Variants in PRKCA observed in about 807,000 individuals in gnomAD.
PRKCA encodes protein kinase C alpha, also known as protein kinase C alpha type.
PRKCA carries 27 observed loss-of-function variants against 87.0 expected under a neutral mutation model. The observed-to-expected ratio is 0.31, with a 90% CI of 0.23 to 0.43. The LOEUF is 0.43. Ranked by LOEUF, PRKCA falls within the 20% of genes least tolerant of loss-of-function variation. PRKCA has a pLI of 1.00. For synonymous variants in PRKCA, 329 were observed against 311.1 expected, an observed-to-expected ratio of 1.06 and a Z score of -0.61; for missense variants, 518 against 852.3, an observed-to-expected ratio of 0.61 and a Z score of 4.88.
At chr17:66,723,285 G>A (rs1181605263) in intron 8 of PRKCA, among the ~76,000 whole-genome samples, 2 of 152,182 alleles carry the variant, frequency 1.3e-5, no homozygotes, top group Non-Finnish European at 2.9e-5. Context: ...GAAGCTTGAA[G>A]GAAAGTGCAG....
In PRKCA at chr17:66,807,795, C is replaced by G. The variant is rs553404591; in HGVS notation, c.*3758C>G. 12 of 152,300 alleles carry G rather than the reference C, an allele frequency of 7.9e-5. No individual in the cohort carries two copies. The highest frequency in any genetic ancestry group is 1.2e-4 in the Non-Finnish European group (8 of 68,086). 9.4% of individuals were successfully genotyped at this position (152,300 alleles called of 1,614,324 possible). A position where few individuals can be genotyped will look rare whatever the true frequency, so the allele number is the denominator to read the frequency against. ...AGGAGGATGCAGACTTCCAGAGAGC[C>G]CCCCCAACGGACGTGCTGAGAAGGG... On this transcript the variant is annotated 3_prime_UTR_variant, in exon 17 of 17. Transcript: ENST00000413366. The surrounding 1 kb of genome is among the most constrained non-coding windows in gnomAD (Gnocchi z 4.3).
chr17:66,340,510 A>G (rs1417554854), intron 2 of PRKCA, among the ~76,000 whole-genome samples: 1 of 151,972 alleles, frequency 6.6e-6, no homozygotes, highest in Non-Finnish European at 1.5e-5. Flanking sequence ...TCTACTGTGC[A>G]AACAGTGATT....
At chr17:66,756,037 G>A (rs1445676698) in intron 13 of PRKCA, among the ~76,000 whole-genome samples, 2 of 152,208 alleles carry the variant, frequency 1.3e-5, no homozygotes, top group Admixed American at 1.3e-4. Context: ...AATTGCTGGA[G>A]GCTAAGTGTG....
At chr17:66,324,231 C>T (rs946041019) in intron 2 of PRKCA, among the ~76,000 whole-genome samples, 2 of 151,764 alleles carry the variant, frequency 1.3e-5, no homozygotes, top group Non-Finnish European at 2.9e-5. Flanking sequence ...AAATTAGCCT[C>T]TTTACTCTTA....
At chr17:66,408,542 T>C (rs370626625) in intron 2 of PRKCA, among the ~76,000 whole-genome samples, 2 of 152,362 alleles carry the variant, frequency 1.3e-5, no homozygotes, top group African/African-American at 4.8e-5. Flanking sequence ...CTTGTCTAAC[T>C]GGGACTGTCT....
At chr17:66,553,567 G>T (rs1009123461) in intron 3 of PRKCA, among the ~76,000 whole-genome samples, 3 of 152,204 alleles carry the variant, frequency 2.0e-5, no homozygotes, top group Non-Finnish European at 4.4e-5. Flanking sequence ...GTGACAGTGT[G>T]TGACTTCTGA....
intron 2 of PRKCA, among the ~76,000 whole-genome samples, chr17:66,404,742 C>CT (rs773919783): frequency 0.026 from 1,433 of 54,116 alleles, 308 homozygotes; most frequent in African/African-American, 0.085. Context: ...GATGGTAGGC[C>CT]TTTTTTTTTT....
At chr17:66,535,115 G>A (rs866853611) in intron 3 of PRKCA, among the ~76,000 whole-genome samples, 5 of 152,128 alleles carry the variant, frequency 3.3e-5, no homozygotes, top group Non-Finnish European at 7.3e-5. Flanking sequence ...ATTTTGCTTT[G>A]TAGCTAAAGA....
At chr17:66,679,635 C>T (rs537249331) in intron 5 of PRKCA, among the ~76,000 whole-genome samples, 36 of 152,352 alleles carry the variant, frequency 2.4e-4, no homozygotes, top group Non-Finnish European at 4.6e-4. Context: ...GATGTGTGTT[C>T]ACTTTTCCCT....
chr17:66,805,994 AC>A lies in PRKCA; in HGVS notation c.*1959del, dbSNP rs1304844910. On this transcript the variant is annotated 3_prime_UTR_variant, in exon 17 of 17. Coordinates refer to ENST00000413366, the MANE Select transcript of PRKCA (RefSeq NM_002737.3). ...ACCAACACAGCCGTGCCCTGCAGGC[AC>A]CAGCACGTGCTTTTCAGAGGCTGCG... 1 of 152,236 alleles carries A rather than the reference AC, an allele frequency of 6.6e-6. No homozygotes were observed. The highest frequency in any genetic ancestry group is 1.5e-5 in the Non-Finnish European group (1 of 68,070). The allele number at this position is 152,236 out of a possible 1,614,324, so 9.4% of individuals were successfully genotyped here.
chr17:66,773,965 T>A, intron 13 of PRKCA, 22 bp from the exon 14 acceptor site: 3 of 1,613,782 alleles, frequency 1.9e-6, no homozygotes, highest in Non-Finnish European at 2.5e-6. Flanking sequence ...CTAATGTAAT[T>A]GATGTGTTTG....
rs530808979 is a variant in PRKCA at position 66,807,566 on chromosome 17, G to A, written c.*3529G>A. 1.3e-5 allele frequency: 2 copies of A among 152,328 alleles called. No homozygotes were observed. Among genetic ancestry groups the A allele is most frequent in the Admixed American group, 1.3e-4 (2 of 15,298 alleles). 9.4% of individuals were successfully genotyped at this position (152,328 alleles called of 1,614,324 possible). On this transcript the variant is annotated 3_prime_UTR_variant, in exon 17 of 17. Coordinates refer to ENST00000413366, the MANE Select transcript of PRKCA (RefSeq NM_002737.3). The surrounding 1 kb of genome is among the most constrained non-coding windows in gnomAD (Gnocchi z 4.3). ...GTGCTTCCCTTCCTTTCATCCACTGGCCTCGTGTGGTCCATGCAGGGCCAC... is the reference window on the plus strand; with the variant it reads ...GTGCTTCCCTTCCTTTCATCCACTGACCTCGTGTGGTCCATGCAGGGCCAC...
At chr17:66,410,895 C>T (rs1435606545) in intron 2 of PRKCA, among the ~76,000 whole-genome samples, 1 of 151,878 alleles carries the variant, frequency 6.6e-6, no homozygotes, top group Non-Finnish European at 1.5e-5. Context: ...AACTTTTGAA[C>T]TTAACCAGTA....
chr17:66,681,434 G>C (rs1396470076), intron 5 of PRKCA, among the ~76,000 whole-genome samples: 1 of 152,150 alleles, frequency 6.6e-6, no homozygotes, highest in African/African-American at 2.4e-5. Flanking sequence ...GGGTCAGAGA[G>C]AACTGAATGA....
intron 2 of PRKCA, among the ~76,000 whole-genome samples, chr17:66,381,997 A>C (rs1004577833): frequency 5.9e-5 from 9 of 152,208 alleles, no homozygotes; most frequent in Non-Finnish European, 1.3e-4. Flanking sequence ...GCAAAATACT[A>C]AATGTTGTGA....
At chr17:66,650,862 A>AT (rs1186400615) in intron 5 of PRKCA, among the ~76,000 whole-genome samples, 2 of 151,892 alleles carry the variant, frequency 1.3e-5, no homozygotes, top group African/African-American at 4.8e-5. Context: ...ATAATCGTTC[A>AT]TTTTTTTTGC....
intron 3 of PRKCA, chr17:66,639,204 G>A (rs909357544): frequency 6.6e-6 from 1 of 152,230 alleles, no homozygotes; most frequent in African/African-American, 2.4e-5. Context: ...GAACTTAATA[G>A]GAATGAGTCC....
intron 3 of PRKCA, among the ~76,000 whole-genome samples, chr17:66,498,072 T>C (rs944391677): frequency 6.6e-6 from 1 of 152,126 alleles, no homozygotes; most frequent in South Asian, 2.1e-4. Flanking sequence ...TCCATGAACG[T>C]TGAGTGACTT....
intron 3 of PRKCA, among the ~76,000 whole-genome samples, chr17:66,508,671 A>G (rs1598729704): frequency 1.3e-5 from 2 of 151,982 alleles, no homozygotes; most frequent in East Asian, 3.9e-4. Flanking sequence ...TGTTTCACGC[A>G]CCTAATAGGT....
Sources: gnomAD v4.1 joint callset for allele counts (sites outside exome capture counted in the v4.1 genomes callset) on GRCh38, gnomAD v4.1.1 for gene constraint, Gnocchi (gnomAD v3.1) non-coding constraint, MANE v1.5 for transcripts, NCBI Gene and HGNC (gene_info 2026-07-23, HGNC 2026-07-21) for gene names.